The following KLHL13 variants were observed in gnomAD, a reference collection of about 807,000 sequenced individuals.
KLHL13 encodes the protein kelch like family member 13.
Under a neutral mutation model 37.1 loss-of-function variants are expected in KLHL13, and 10 were observed. The ratio of observed to expected loss-of-function variants is 0.27; its 90% CI spans 0.17 to 0.46. KLHL13 has a LOEUF of 0.46. Among genes scored for constraint, KLHL13 ranks in the 20% least tolerant of loss-of-function variants. KLHL13 has a pLI of 1.00. For missense variants in KLHL13, 360 were observed against 509.3 expected (o/e 0.71, Z 2.82); for synonymous variants, 163 against 181.2 (o/e 0.90, Z 0.81).
chrX:117,916,643 T>G (rs1370694899), intron 4 of KLHL13, among the ~76,000 whole-genome samples: 1 of 112,025 alleles, frequency 8.9e-6, no homozygotes, highest in Non-Finnish European at 1.9e-5. Flanking sequence ...TCTTTACTGA[T>G]TCGCATTTTA....
At chrX:118,037,609 G>T (rs923417617) in intron 1 of KLHL13, among the ~76,000 whole-genome samples, 1 of 109,892 alleles carries the variant, frequency 9.1e-6, no homozygotes, top group Non-Finnish European at 1.9e-5. Context: ...TGGGGGAAGG[G>T]GGGAGGGATA....
At chrX:117,944,555 T>C (rs746931275) in intron 2 of KLHL13, among the ~76,000 whole-genome samples, 23 of 111,866 alleles carry the variant, frequency 2.1e-4, no homozygotes, top group African/African-American at 7.5e-4. Context: ...TATACAGCTT[T>C]ACTATAATGG....
At chrX:118,061,370 G>A in intron 1 of KLHL13, among the ~76,000 whole-genome samples, 1 of 110,592 alleles carries the variant, frequency 9.0e-6, no homozygotes, top group Non-Finnish European at 1.9e-5. Context: ...AGTAAAGAAT[G>A]GCCTCATTTC....
chrX:118,013,550 G>A lies in KLHL13; in HGVS notation c.-55-67975C>T, dbSNP rs12843156. Among the ~76,000 whole-genome samples, 791 of 111,661 alleles carry A rather than the reference G, an allele frequency of 7.1e-3. 12 individuals are homozygous for A. The highest frequency in any genetic ancestry group is 0.024 in the African/African-American group (747 of 30,742). ...GAGAAAGCCAAGTAAGATAAGATGAGGAAAGATATAAATTACGTTGGTCGA... is the reference window on the plus strand; with the variant it reads ...GAGAAAGCCAAGTAAGATAAGATGAAGAAAGATATAAATTACGTTGGTCGA... On this transcript the variant is annotated intron_variant, in intron 1 of 6. Coordinates refer to the KLHL13 transcript ENST00000371882.
At chrX:118,102,100 A>G (rs2497850) in intron 1 of KLHL13, among the ~76,000 whole-genome samples, 47,196 of 110,171 alleles carry the variant, frequency 0.43, 9,719 homozygotes, top group African/African-American at 0.82. Context: ...AGAGGTGCTA[A>G]AGGGACAGGC....
intron 5 of KLHL13, among the ~76,000 whole-genome samples, chrX:117,908,583 G>A (rs1323911696): frequency 9.0e-6 from 1 of 111,399 alleles, no homozygotes; most frequent in Non-Finnish European, 1.9e-5. Flanking sequence ...AATTTTATCT[G>A]AAATAATAAA....
chrX:118,054,762 G>C (rs1253045293), intron 1 of KLHL13, among the ~76,000 whole-genome samples: 1 of 111,362 alleles, frequency 9.0e-6, no homozygotes, highest in Non-Finnish European at 1.9e-5. Context: ...TGCCTCCTTA[G>C]GAGTTTATCA....
chrX:117,985,744 A>T (rs944293500), intron 1 of KLHL13, among the ~76,000 whole-genome samples: 4 of 110,793 alleles, frequency 3.6e-5, no homozygotes, highest in Non-Finnish European at 3.8e-5. Context: ...TTGTTGTATT[A>T]TCTTTATTTT....
chrX:117,950,563 C>G (rs1933541834), intron 1 of KLHL13, among the ~76,000 whole-genome samples: 1 of 111,936 alleles, frequency 8.9e-6, no homozygotes, highest in Non-Finnish European at 1.9e-5. Flanking sequence ...ATTACCTTAA[C>G]TAAAGTTGGT....
intron 1 of KLHL13, among the ~76,000 whole-genome samples, chrX:118,046,281 C>A (rs1235342825): frequency 1.8e-5 from 2 of 111,740 alleles, no homozygotes; most frequent in Admixed American, 1.9e-4. Context: ...GTGAAATAAG[C>A]CAGGCACAGA....
chrX:117,924,086 G>T (rs1003929565), intron 2 of KLHL13, among the ~76,000 whole-genome samples: 2 of 111,639 alleles, frequency 1.8e-5, no homozygotes, highest in African/African-American at 6.5e-5. Flanking sequence ...ATAAATGAAT[G>T]ACCCCACTAT....
At chrX:117,923,409 G>GT (rs1931832193) in intron 2 of KLHL13, among the ~76,000 whole-genome samples, 1 of 111,700 alleles carries the variant, frequency 9.0e-6, no homozygotes, top group Non-Finnish European at 1.9e-5. Context: ...TTATCAAATA[G>GT]TTTTTTATTC....
At chrX:117,906,067 C>T (rs1300550750) in intron 5 of KLHL13, among the ~76,000 whole-genome samples, 1 of 111,449 alleles carries the variant, frequency 9.0e-6, no homozygotes, top group Non-Finnish European at 1.9e-5. Context: ...CCATTCCCAT[C>T]ACCTCCTTCT....
rs780623945 is a variant in KLHL13, at chrX:117,999,446, T to G, written c.-55-53871A>C. Among the ~76,000 whole-genome samples the G allele has an allele frequency of 9.3e-4, 102 of 109,642 alleles. 1 individual carries two copies. Among genetic ancestry groups the G allele is most frequent in the South Asian group, 1.6e-3 (4 of 2,558 alleles). On this transcript the variant is annotated intron_variant, in intron 1 of 6. Coordinates refer to the KLHL13 transcript ENST00000371882. ...TTCTCAGCAAACTATCACAAGGACATAAAACCAAATACCGCATGTTCTCAC... is the reference window on the plus strand; with the variant it reads ...TTCTCAGCAAACTATCACAAGGACAGAAAACCAAATACCGCATGTTCTCAC...
At chrX:118,020,209 A>G (rs2054186804) in intron 1 of KLHL13, among the ~76,000 whole-genome samples, 1 of 108,597 alleles carries the variant, frequency 9.2e-6, no homozygotes. Flanking sequence ...GGTCCTTCAC[A>G]TCCCTTGTAA....
At chrX:117,941,417 G>A (rs1202103790) in intron 2 of KLHL13, among the ~76,000 whole-genome samples, 1 of 111,871 alleles carries the variant, frequency 8.9e-6, no homozygotes, top group Non-Finnish European at 1.9e-5. Context: ...AATGGTATCA[G>A]CTCTTCTTTG....
At chrX:117,916,831 A>T (rs1451654759) in intron 4 of KLHL13, among the ~76,000 whole-genome samples, 2 of 112,094 alleles carry the variant, frequency 1.8e-5, no homozygotes, top group Non-Finnish European at 3.8e-5. Flanking sequence ...TAAAAACATA[A>T]AGCCTATTTC....
intron 1 of KLHL13, among the ~76,000 whole-genome samples, chrX:118,091,662 C>T (rs968272083): frequency 4.5e-5 from 5 of 110,420 alleles, no homozygotes; most frequent in African/African-American, 6.6e-5. Flanking sequence ...CTATAACAAA[C>T]GATCTAACAT....
intron 1 of KLHL13, among the ~76,000 whole-genome samples, chrX:118,110,789 T>C (rs1158197078): frequency 9.0e-6 from 1 of 111,710 alleles, no homozygotes; most frequent in Non-Finnish European, 1.9e-5. Context: ...CTGAATTTCT[T>C]ACCCCCACCC....
Sources: allele counts gnomAD v4.1 joint callset (sites outside exome capture counted in the v4.1 genomes callset), GRCh38; gene constraint gnomAD v4.1.1; transcripts MANE v1.5; gene names NCBI Gene and HGNC (gene_info 2026-07-23, HGNC 2026-07-21).